Variants in SENP2 observed in about 807,000 individuals in gnomAD.
SENP2 encodes sentrin-specific protease 2.
Under a neutral mutation model 86.3 loss-of-function variants are expected in SENP2, and 16 were observed. The ratio of observed to expected loss-of-function variants is 0.19; its 90% CI spans 0.13 to 0.28. The LOEUF is 0.28. Ranked by LOEUF, SENP2 falls within the 10% of genes least tolerant of loss-of-function variation. SENP2 has a pLI of 1.00. For synonymous variants in SENP2, 222 were observed against 238.7 expected (o/e 0.93, Z 0.64); for missense variants, 552 against 703.0 (o/e 0.79, Z 2.43).
chr3:185,621,688 C>T lies in SENP2; in HGVS notation c.1447-138C>T, dbSNP rs1207973699. On this transcript the variant is annotated intron_variant, in intron 13 of 16. Transcript: ENST00000296257. ...CAGGTGTGAGCCACCATGCATGGCC[C>T]ATAAATGGATTTCTAAGATACATAA... 9.8e-6 allele frequency: 5 copies of T among 511,314 alleles called. No homozygotes were observed. The East Asian group carries it at 1.1e-4, about 11-fold the overall frequency. The allele number at this position is 511,314 out of a possible 1,614,324, so 31.7% of individuals were successfully genotyped here. A position where few individuals can be genotyped will look rare whatever the true frequency, so the allele number is the denominator to read the frequency against.
Position 185,590,173 on chromosome 3 carries a change from C to A in SENP2, c.157+4C>A. On this transcript the variant is annotated splice_donor_region_variant and intron_variant, in intron 2 of 16. Coordinates refer to ENST00000296257, the MANE Select transcript of SENP2 (RefSeq NM_021627.3). ...CCAGCCAAAAGACCAAGATTAGGTACTGAATATAAATTTTAAAAATTTTTA... is the reference window on the plus strand; with the variant it reads ...CCAGCCAAAAGACCAAGATTAGGTAATGAATATAAATTTTAAAAATTTTTA... 2 of 1,506,270 alleles carry A rather than the reference C, an allele frequency of 1.3e-6. No individual in the cohort carries two copies. The highest frequency in any genetic ancestry group is 1.8e-6 in the Non-Finnish European group (2 of 1,113,472). The allele number at this position is 1,506,270 out of a possible 1,614,324, so 93.3% of individuals were successfully genotyped here.
At chr3:185,617,794 G>A (rs944320003) in intron 12 of SENP2, among the ~76,000 whole-genome samples, 183 bp downstream of exon 12, 4 of 152,144 alleles carry the variant, frequency 2.6e-5, no homozygotes, top group Non-Finnish European at 5.9e-5. Context: ...GATTAGCGAT[G>A]TTTCCCTTTT....
chr3:185,605,144 T>C (rs1722470868), intron 5 of SENP2, among the ~76,000 whole-genome samples: 1 of 150,188 alleles, frequency 6.7e-6, no homozygotes, highest in Non-Finnish European at 1.5e-5. Context: ...CTGAAGCGCG[T>C]GGATCACCTG....
At position 185,617,498 on chromosome 3, in the gene SENP2, A is replaced by C; in HGVS notation, c.1129A>C (p.Ser377Arg). 6.2e-7 allele frequency: 1 copy of C among 1,609,472 alleles called. No homozygotes were observed. The highest frequency in any genetic ancestry group is 8.5e-7 in the Non-Finnish European group (1 of 1,178,068). ...ELTEDMEKEI[S>R]NALGHGPQDE... ...AATTCAGGACATGGAAAAGGAAATC[A>C]GTAATGCCCTAGGCCATGGCCCACA... is the stretch of plus-strand genomic sequence containing the variant. Residue 377 changes from serine to arginine, a missense_variant, in exon 12 of 17, where the codon AGT becomes CGT. By Grantham distance (110) the Ser-to-Arg change is moderately radical. Around this residue, in one of 2 missense-constraint regions of SENP2, gnomAD observed 169 missense variants for 275.7 expected, o/e 0.61. Transcript: ENST00000296257.
Position 185,630,636 on chromosome 3 carries a change from GC to G in SENP2, c.*793del, listed in dbSNP as rs1712417440. ...CCCCTTCTGGAAATGTGGTGACTTGGCTTAGTCTTCAAACTGGATTCATGGA... is the reference window on the plus strand; with the variant it reads ...CCCCTTCTGGAAATGTGGTGACTTGGTTAGTCTTCAAACTGGATTCATGGA... On this transcript the variant is annotated 3_prime_UTR_variant, in exon 17 of 17. Transcript: ENST00000296257. 6.6e-6 allele frequency: 1 copy of G among 152,622 alleles called. No homozygotes were observed. Among genetic ancestry groups the G allele is most frequent in the Non-Finnish European group, 1.5e-5 (1 of 68,050 alleles). The allele number at this position is 152,622 out of a possible 1,614,324, so 9.5% of individuals were successfully genotyped here.
In SENP2 at chr3:185,619,301, C is replaced by A; in HGVS notation, c.1245C>A (p.Val415=). The change falls in exon 13 of 17, where the codon GTC becomes GTA. Residue 415 remains valine, a splice_region_variant and synonymous_variant. Transcript: ENST00000296257. ...LKNYHWLNDE[V]INFYMNLLVE... ...TTTGCTCCCTTGGTATTTTGTAGGT[C>A]ATTAATTTTTACATGAATCTTCTGG... 6.2e-7 allele frequency: 1 copy of A among 1,610,558 alleles called. No individual in the cohort carries two copies. The highest frequency in any genetic ancestry group is 1.1e-5 in the South Asian group (1 of 90,970).
At chr3:185,600,578 G>A (rs569018718) in intron 4 of SENP2, among the ~76,000 whole-genome samples, 187 bp from the exon 5 acceptor site, 2 of 152,250 alleles carry the variant, frequency 1.3e-5, no homozygotes, top group South Asian at 2.1e-4. Context: ...AACAAACTAA[G>A]CCCTATTGCT....
chr3:185,593,014 AAAAC>A (rs1341491444), intron 2 of SENP2, among the ~76,000 whole-genome samples: 2 of 152,246 alleles, frequency 1.3e-5, no homozygotes, highest in Non-Finnish European at 2.9e-5. Flanking sequence ...AAAAAATAAA[AAAAC>A]AAAGATAGTA....
At chr3:185,591,781 G>C (rs1402287994) in intron 2 of SENP2, among the ~76,000 whole-genome samples, 1 of 151,324 alleles carries the variant, frequency 6.6e-6, no homozygotes, top group Non-Finnish European at 1.5e-5. Context: ...CCCAGGCTGG[G>C]ATGCAGTGGC....
At chr3:185,611,137 G>T (rs1011007034) in intron 7 of SENP2, among the ~76,000 whole-genome samples, 1 of 151,966 alleles carries the variant, frequency 6.6e-6, no homozygotes, top group South Asian at 2.1e-4. Context: ...TTAACCAGGT[G>T]TAGTGGCGTG....
rs775973961 is a variant in SENP2, at chr3:185,613,428, A to T, written c.933+20A>T. On this transcript the variant is annotated intron_variant, in intron 10 of 16. Transcript: ENST00000296257. ...GAAAGTGTAAGTAAAAATCCTAGTT[A>T]CATTTGATACCTGTTTACTTATGTA... 6.9e-7 allele frequency: 1 copy of T among 1,445,860 alleles called. No homozygotes were observed. The highest frequency in any genetic ancestry group is 9.7e-7 in the Non-Finnish European group (1 of 1,030,602). 89.6% of individuals were successfully genotyped at this position (1,445,860 alleles called of 1,614,324 possible). A position where few individuals can be genotyped will look rare whatever the true frequency, so the allele number is the denominator to read the frequency against.
At chr3:185,609,385 C>A in intron 7 of SENP2, 35 bp downstream of exon 7, 1 of 1,453,480 alleles carries the variant, frequency 6.9e-7, no homozygotes, top group Non-Finnish European at 9.6e-7. Flanking sequence ...CTTTGCTAGG[C>A]ATCTTTTGTT....
intron 5 of SENP2, among the ~76,000 whole-genome samples, chr3:185,601,245 A>G (rs973093364): frequency 8.6e-5 from 13 of 151,788 alleles, no homozygotes; most frequent in African/African-American, 3.1e-4. Context: ...GGGTTTCGCT[A>G]TGTTGGCCAG....
chr3:185,623,926 G>A, intron 14 of SENP2, 72 bp from the exon 15 acceptor site: 1 of 779,396 alleles, frequency 1.3e-6, no homozygotes, highest in Admixed American at 2.3e-5. Flanking sequence ...ACATCAGAAA[G>A]CCCTATGTAA....
intron 15 of SENP2, among the ~76,000 whole-genome samples, chr3:185,625,268 C>T (rs571192038): frequency 5.1e-4 from 78 of 152,132 alleles, no homozygotes; most frequent in African/African-American, 1.7e-3. Flanking sequence ...CCTGCCACCA[C>T]GCCTGGCTAA....
At chr3:185,614,244 T>A (rs1244963668) in intron 10 of SENP2, among the ~76,000 whole-genome samples, 2 of 152,250 alleles carry the variant, frequency 1.3e-5, no homozygotes, top group Non-Finnish European at 2.9e-5. Context: ...TTTTGCTGTT[T>A]AAAACTTTCA....
Position 185,586,582 on chromosome 3 carries a change from T to C in SENP2, c.101+68T>C, listed in dbSNP as rs1357328387. ...TCCCCCACAGCGGGCTCCTCGGCCGTGATAGCTTTGATTCAGCCAGGCTCA... is the reference window on the plus strand; with the variant it reads ...TCCCCCACAGCGGGCTCCTCGGCCGCGATAGCTTTGATTCAGCCAGGCTCA... On this transcript the variant is annotated intron_variant, in intron 1 of 16. Transcript: ENST00000296257. This position sits in a 1 kb window ranked among gnomAD's most constrained non-coding sequence, Gnocchi z 4.3. 1.4e-6 allele frequency: 2 copies of C among 1,432,778 alleles called. No individual in the cohort carries two copies. The highest frequency in any genetic ancestry group is 4.5e-5 in the East Asian group (2 of 43,992). 88.8% of individuals were successfully genotyped at this position (1,432,778 alleles called of 1,614,324 possible). A position where few individuals can be genotyped will look rare whatever the true frequency, so the allele number is the denominator to read the frequency against.
Position 185,632,873 on chromosome 3 carries a change from G to GAGCCATT in SENP2, c.*3031_*3037dup, listed in dbSNP as rs1265680009. 1 of 152,202 alleles carries GAGCCATT rather than the reference G, an allele frequency of 6.6e-6. No individual in the cohort carries two copies. The highest frequency in any genetic ancestry group is 1.5e-5 in the Non-Finnish European group (1 of 68,038). 9.4% of individuals were successfully genotyped at this position (152,202 alleles called of 1,614,324 possible). On this transcript the variant is annotated 3_prime_UTR_variant, in exon 17 of 17. Transcript: ENST00000296257. The stretch of plus-strand genomic sequence containing the variant: ...TTAGGGGGTTGAGAAAAGATGCAGT[G>GAGCCATT]AGCCATTATTCTCCTTTAGCAGGTA...
At position 185,630,752 on chromosome 3, in the gene SENP2, T is replaced by A. The variant is rs923682199; in HGVS notation, c.*908T>A. On this transcript the variant is annotated 3_prime_UTR_variant, in exon 17 of 17. Coordinates refer to ENST00000296257, the MANE Select transcript of SENP2 (RefSeq NM_021627.3). ...GAATTGTAGGGGCTGGCCTGAGCTG[T>A]TTATTTCAAAAGATACTATTCAATT... The A allele has an allele frequency of 3.9e-5, 6 of 152,640 alleles. No homozygotes were observed. The highest frequency in any genetic ancestry group is 8.8e-5 in the Non-Finnish European group (6 of 68,044). 9.5% of individuals were successfully genotyped at this position (152,640 alleles called of 1,614,324 possible).
Sources: allele counts gnomAD v4.1 joint callset (sites outside exome capture counted in the v4.1 genomes callset), GRCh38; gene constraint gnomAD v4.1.1; regional missense constraint gnomAD v4.1.1; non-coding constraint Gnocchi (gnomAD v3.1); transcripts MANE v1.5; gene names NCBI Gene and HGNC (gene_info 2026-07-23, HGNC 2026-07-21).